Variants in ABCC3 observed in about 807,000 individuals in gnomAD.
The protein encoded by ABCC3 is ATP-binding cassette sub-family C member 3.
Under a neutral mutation model 165.3 loss-of-function variants are expected in ABCC3, and 121 were observed. The observed-to-expected ratio is 0.73, with a 90% CI of 0.63 to 0.85. ABCC3 has a LOEUF of 0.85. Among genes scored for constraint, ABCC3 ranks in the 40% least tolerant of loss-of-function variants. The pLI is 0.00. For missense variants in ABCC3, 1,869 were observed against 1,964.1 expected (o/e 0.95, Z 0.92); for synonymous variants, 733 against 810.1 (o/e 0.90, Z 1.62).
intron 10 of ABCC3, chr17:50,664,678 G>A (rs1393690142): frequency 1.2e-5 from 2 of 166,864 alleles, no homozygotes; most frequent in Admixed American, 1.2e-4. Context: ...ACTCTAGCCT[G>A]GGTGACAGAG....
At chr17:50,690,030 C>T (rs1968090415) in intron 30 of ABCC3, among the ~76,000 whole-genome samples, 1 of 152,170 alleles carries the variant, frequency 6.6e-6, no homozygotes, top group Admixed American at 6.5e-5. Context: ...GGCCAGGACA[C>T]TTTCTCCTGT....
chr17:50,680,368 G>T (rs979509600), intron 26 of ABCC3, among the ~76,000 whole-genome samples: 2 of 152,150 alleles, frequency 1.3e-5, no homozygotes, highest in Admixed American at 6.5e-5. Flanking sequence ...CATGCCCTTT[G>T]TTGGGGAAAA....
intron 19 of ABCC3, 58 bp downstream of exon 19, chr17:50,673,716 G>C: frequency 6.4e-7 from 1 of 1,567,894 alleles, no homozygotes; most frequent in African/African-American, 1.3e-5. Flanking sequence ...CCCCTGTCTG[G>C]GGTCTCTGAG....
rs200265831 is a variant in ABCC3 at position 50,683,919 on chromosome 17, C to G, written c.3955-30C>G. On this transcript the variant is annotated intron_variant, in intron 27 of 30. Coordinates refer to ENST00000285238, the MANE Select transcript of ABCC3 (RefSeq NM_003786.4). The stretch of plus-strand genomic sequence containing the variant: ...ATGCGCCTTTGACCTCTCAGCTTCC[C>G]CCTCAGAGCCCCTTCCCTTCTCCGC... 3.7e-6 allele frequency: 6 copies of G among 1,605,668 alleles called. No individual in the cohort carries two copies. The East Asian group carries it at 9.0e-5, about 24-fold the overall frequency.
Position 50,691,421 on chromosome 17 carries a change from A to G in ABCC3, c.*221A>G, listed in dbSNP as rs1968121082. On this transcript the variant is annotated 3_prime_UTR_variant, in exon 31 of 31. Coordinates refer to ENST00000285238, the MANE Select transcript of ABCC3 (RefSeq NM_003786.4). Reference sequence around the variant, plus strand: ...CCTAAGGTCACAGCTAGTTTGAGCCAGTTAGACTAGTCCCCGGTCTCCCGA... The same window carrying G: ...CCTAAGGTCACAGCTAGTTTGAGCCGGTTAGACTAGTCCCCGGTCTCCCGA... The G allele has an allele frequency of 4.0e-6, 2 of 494,592 alleles. No individual in the cohort carries two copies. Among genetic ancestry groups the G allele is most frequent in the Non-Finnish European group, 7.4e-6 (2 of 270,666 alleles). The allele number at this position is 494,592 out of a possible 1,614,324, so 30.6% of individuals were successfully genotyped here. A position where few individuals can be genotyped will look rare whatever the true frequency, so the allele number is the denominator to read the frequency against.
chr17:50,677,687 C>T (rs1210762552), intron 23 of ABCC3, 57 bp from the exon 24 acceptor site: 1 of 1,533,720 alleles, frequency 6.5e-7, no homozygotes, highest in Non-Finnish European at 9.0e-7. Flanking sequence ...CAGAGACAGG[C>T]AGGACTGAGT....
intron 29 of ABCC3, among the ~76,000 whole-genome samples, chr17:50,686,984 C>T (rs1597863062): frequency 1.3e-5 from 2 of 152,128 alleles, no homozygotes; most frequent in African/African-American, 4.8e-5. Context: ...GTGTGTCCTG[C>T]TCCTCCTTTA....
At chr17:50,641,908 G>A (rs968260579) in intron 1 of ABCC3, among the ~76,000 whole-genome samples, 3 of 151,972 alleles carry the variant, frequency 2.0e-5, no homozygotes, top group African/African-American at 4.8e-5. Context: ...TTAGCTGGGC[G>A]TGGTGGCACA....
chr17:50,678,160 A>T lies in ABCC3; in HGVS notation c.3646A>T (p.Ile1216Phe). The change falls in exon 25 of 31, where the codon ATC becomes TTC. Residue 1216 changes from isoleucine (I) to phenylalanine (F), a missense_variant. Coordinates refer to ENST00000285238, the MANE Select transcript of ABCC3 (RefSeq NM_003786.4). ...GCTCTTTGCTGCACTATTTGCCGTC[A>T]TCGGGAGGAGCAGCCTGAACCCGGG... Reference protein sequence around the residue: ...VVLFAALFAVIGRSSLNPGLV... With the variant: ...VVLFAALFAVFGRSSLNPGLV... The T allele has an allele frequency of 6.4e-7, 1 of 1,552,652 alleles. No homozygotes were observed. The highest frequency in any genetic ancestry group is 8.7e-7 in the Non-Finnish European group (1 of 1,149,708).
chr17:50,684,208 G>A, intron 28 of ABCC3, 101 bp downstream of exon 28: 1 of 1,454,234 alleles, frequency 6.9e-7, no homozygotes, highest in Non-Finnish European at 9.2e-7. Context: ...CCCAGTCTCA[G>A]AGGCTTGGGC....
chr17:50,677,695 A>G, intron 23 of ABCC3, 49 bp from the exon 24 acceptor site: 1 of 1,566,836 alleles, frequency 6.4e-7, no homozygotes, highest in Non-Finnish European at 8.8e-7. Context: ...GGCAGGACTG[A>G]GTTGGGGGTT....
chr17:50,646,147 A>G (rs1966998289), intron 1 of ABCC3, among the ~76,000 whole-genome samples: 1 of 152,236 alleles, frequency 6.6e-6, no homozygotes, highest in South Asian at 2.1e-4. Context: ...CAGGGGTGGG[A>G]CACAGGTGGC....
intron 17 of ABCC3, among the ~76,000 whole-genome samples, chr17:50,670,151 T>C (rs1967616728): frequency 6.6e-6 from 1 of 151,890 alleles, no homozygotes; most frequent in South Asian, 2.1e-4. Flanking sequence ...GCGCAGATCA[T>C]GGCTCACTGC....
chr17:50,658,376 CTGCTT>C (rs1967303833), intron 5 of ABCC3, 54 bp from the exon 6 acceptor site: 1 of 1,589,378 alleles, frequency 6.3e-7, no homozygotes, highest in Middle Eastern at 1.7e-4. Flanking sequence ...TTTCCCTACT[CTGCTT>C]TGAGAGGGTG....
chr17:50,659,858 C>T (rs1967338587), intron 7 of ABCC3, among the ~76,000 whole-genome samples: 1 of 152,152 alleles, frequency 6.6e-6, no homozygotes, highest in Non-Finnish European at 1.5e-5. Flanking sequence ...TGGTGGTGTG[C>T]ACCTGTAGTC....
chr17:50,659,327 G>A lies in ABCC3; in HGVS notation c.765G>A (p.Gln255=). The A allele has an allele frequency of 1.2e-6, 2 of 1,613,116 alleles. No individual in the cohort carries two copies. Among genetic ancestry groups the A allele is most frequent in the South Asian group, 1.1e-5 (1 of 91,056 alleles). Residue 255 remains glutamine (Q), a synonymous_variant, in exon 7 of 31, where the codon CAG becomes CAA. Transcript: ENST00000285238. ...EEDRSQMVVQ[Q]LLEAWRKQEK... ...ACAGATCCCAGATGGTGGTGCAGCA[G>A]CTGCTGGAGGCATGGAGGAAGCAGG...
At chr17:50,640,685 A>C (rs1406151196) in intron 1 of ABCC3, among the ~76,000 whole-genome samples, 1 of 152,054 alleles carries the variant, frequency 6.6e-6, no homozygotes, top group Non-Finnish European at 1.5e-5. Flanking sequence ...TGCCTAGATA[A>C]TTTTTTTAAA....
intron 30 of ABCC3, among the ~76,000 whole-genome samples, chr17:50,690,781 C>T (rs1377605190): frequency 1.3e-5 from 2 of 152,212 alleles, no homozygotes; most frequent in Non-Finnish European, 2.9e-5. Flanking sequence ...GCCCATGGCT[C>T]CCTGCGCACA....
At chr17:50,681,890 G>T (rs1357758264) in intron 26 of ABCC3, among the ~76,000 whole-genome samples, 2 of 152,042 alleles carry the variant, frequency 1.3e-5, no homozygotes, top group Non-Finnish European at 2.9e-5. Context: ...GCTTCCCCAG[G>T]CATCACCCTC....
Sources: allele counts gnomAD v4.1 joint callset (sites outside exome capture counted in the v4.1 genomes callset), GRCh38; gene constraint gnomAD v4.1.1; transcripts MANE v1.5; gene names NCBI Gene and HGNC (gene_info 2026-07-23, HGNC 2026-07-21).